Variants in TANC1 observed in about 807,000 individuals in gnomAD.
TANC1 encodes protein TANC1.
Under a neutral mutation model 149.7 loss-of-function variants are expected in TANC1, and 77 were observed. The observed-to-expected ratio is 0.51, with a 90% CI of 0.43 to 0.62. The LOEUF (loss-of-function observed/expected upper bound fraction) is 0.62. TANC1 is among the 20% of genes least tolerant of loss of function. The pLI is 0.00. For missense variants in TANC1, 1,985 were observed against 2,321.8 expected, an observed-to-expected ratio of 0.85 and a Z score of 2.98; for synonymous variants, 854 against 925.0, an observed-to-expected ratio of 0.92 and a Z score of 1.39.
At chr2:159,005,013 G>A (rs1238421857) in intron 2 of TANC1, among the ~76,000 whole-genome samples, 1 of 152,184 alleles carries the variant, frequency 6.6e-6, no homozygotes, top group Non-Finnish European at 1.5e-5. Context: ...CAAAGGGATG[G>A]GTCTGGCTAG....
At position 159,129,570 on chromosome 2, in the gene TANC1, G is replaced by GT. The variant is rs538237644; in HGVS notation, c.260-6614dup. ...ACAGGTGCTTGGGTTTTGTTTTGTT[G>GT]TTTTTTTTTTCTTTTGCAAGCTGCA... is the stretch of plus-strand genomic sequence containing the variant. On this transcript the variant is annotated intron_variant, in intron 4 of 26. Coordinates refer to ENST00000263635, the MANE Select transcript of TANC1 (RefSeq NM_033394.3). Among the ~76,000 whole-genome samples the GT allele has an allele frequency of 1.3e-3, 198 of 149,020 alleles. 1 individual carries two copies. The highest frequency in any genetic ancestry group is 3.7e-3 in the African/African-American group (152 of 40,638).
intron 2 of TANC1, among the ~76,000 whole-genome samples, chr2:159,053,974 AG>A (rs2041659617): frequency 6.6e-6 from 1 of 152,158 alleles, no homozygotes; most frequent in African/African-American, 2.4e-5. Context: ...CTCTCAGTGG[AG>A]GCAGGTGTTT....
intron 2 of TANC1, among the ~76,000 whole-genome samples, chr2:159,041,068 G>C (rs781310198): frequency 6.6e-5 from 10 of 152,186 alleles, no homozygotes; most frequent in Non-Finnish European, 1.2e-4. Context: ...TACAGACCCT[G>C]TTTGCCTGGG....
intron 5 of TANC1, among the ~76,000 whole-genome samples, chr2:159,146,391 C>T (rs1008368115): frequency 2.0e-5 from 3 of 152,160 alleles, no homozygotes; most frequent in Non-Finnish European, 4.4e-5. Flanking sequence ...GTTGCAGTGC[C>T]TTAATGGATA....
chr2:158,969,732 T>G (rs990429606), intron 1 of TANC1, among the ~76,000 whole-genome samples: 1 of 152,220 alleles, frequency 6.6e-6, no homozygotes, highest in Non-Finnish European at 1.5e-5. Context: ...GGACTTATTG[T>G]GTAAAGCTCC....
intron 1 of TANC1, among the ~76,000 whole-genome samples, chr2:158,981,520 T>TAC (rs1559096326): frequency 2.6e-5 from 3 of 117,186 alleles, no homozygotes; most frequent in African/African-American, 1.0e-4. Flanking sequence ...TATATATATA[T>TAC]ATATATATAT....
chr2:158,996,068 T>A (rs1559113017), intron 1 of TANC1, among the ~76,000 whole-genome samples: 1 of 152,372 alleles, frequency 6.6e-6, no homozygotes, highest in East Asian at 1.9e-4. Flanking sequence ...AATAACTTGA[T>A]GGCTGGACAT....
intron 20 of TANC1, among the ~76,000 whole-genome samples, chr2:159,218,968 C>T (rs113530817): frequency 3.3e-5 from 5 of 152,302 alleles, no homozygotes; most frequent in African/African-American, 1.2e-4. Flanking sequence ...GGCATCCCTC[C>T]TCCCCCAAAT....
chr2:159,026,548 T>G (rs1352532689), intron 2 of TANC1, among the ~76,000 whole-genome samples: 2 of 152,208 alleles, frequency 1.3e-5, no homozygotes, highest in African/African-American at 2.4e-5. Flanking sequence ...TAAAGAAAAT[T>G]TATTTCTTAC....
chr2:159,044,241 C>T (rs115019510), intron 2 of TANC1, among the ~76,000 whole-genome samples: 1,708 of 152,114 alleles, frequency 0.011, 15 homozygotes, highest in Middle Eastern at 0.037. Flanking sequence ...GCCTGGGCAA[C>T]GCAGCGAGAC....
intron 22 of TANC1, among the ~76,000 whole-genome samples, chr2:159,223,510 T>G (rs1444208820): frequency 6.6e-6 from 1 of 152,156 alleles, no homozygotes; most frequent in African/African-American, 2.4e-5. Context: ...ATGGGGTGGA[T>G]GATAGGAAGC....
intron 22 of TANC1, among the ~76,000 whole-genome samples, chr2:159,221,445 A>G (rs1051676578): frequency 4.0e-5 from 6 of 151,790 alleles, no homozygotes; most frequent in Non-Finnish European, 7.4e-5. Flanking sequence ...ACCAGAAGTT[A>G]CTCCTCCTGT....
intron 3 of TANC1, among the ~76,000 whole-genome samples, chr2:159,083,409 A>C (rs1240132638): frequency 6.6e-6 from 1 of 152,144 alleles, no homozygotes; most frequent in Non-Finnish European, 1.5e-5. Context: ...ATTATCTAGT[A>C]AACTCTGTTT....
At chr2:159,024,848 T>C (rs2039132486) in intron 2 of TANC1, among the ~76,000 whole-genome samples, 1 of 152,242 alleles carries the variant, frequency 6.6e-6, no homozygotes, top group Non-Finnish European at 1.5e-5. Context: ...TACTTCCCAT[T>C]GTGCTACATT....
chr2:159,159,939 T>A (rs189341975), intron 7 of TANC1, among the ~76,000 whole-genome samples: 11 of 152,180 alleles, frequency 7.2e-5, no homozygotes, highest in African/African-American at 2.6e-4. Context: ...GAGGACTGAT[T>A]GAGGCCAGGA....
At chr2:159,209,801 A>C in intron 19 of TANC1, among the ~76,000 whole-genome samples, 1 of 152,200 alleles carries the variant, frequency 6.6e-6, no homozygotes, top group East Asian at 1.9e-4. Flanking sequence ...GGGTGTGGCC[A>C]TCGGGCCTGC....
chr2:158,979,529 G>A (rs2149208990), intron 1 of TANC1, among the ~76,000 whole-genome samples: 1 of 151,536 alleles, frequency 6.6e-6, no homozygotes, highest in South Asian at 2.1e-4. Flanking sequence ...AAAACTTACC[G>A]TTTTCATAAA....
intron 3 of TANC1, among the ~76,000 whole-genome samples, chr2:159,070,245 C>T (rs897453578): frequency 1.3e-5 from 2 of 151,858 alleles, no homozygotes; most frequent in Non-Finnish European, 2.9e-5. Flanking sequence ...CTAATGAAAT[C>T]CCCAATTTTT....
intron 13 of TANC1, 37 bp from the exon 14 acceptor site, chr2:159,178,519 T>A (rs2056121526): frequency 6.6e-7 from 1 of 1,523,974 alleles, no homozygotes; most frequent in Non-Finnish European, 8.8e-7. Context: ...AGGAATCTCT[T>A]TAGAGTGACA....
Sources: allele counts gnomAD v4.1 joint callset (sites outside exome capture counted in the v4.1 genomes callset), GRCh38; gene constraint gnomAD v4.1.1; transcripts MANE v1.5; gene names NCBI Gene and HGNC (gene_info 2026-07-23, HGNC 2026-07-21).